Variants in RCOR1 observed in about 807,000 individuals in gnomAD.
RCOR1 encodes the protein REST corepressor 1.
In RCOR1, 12 loss-of-function variants were observed where a neutral mutation model predicts 64.0. The observed-to-expected ratio is 0.19, with a 90% confidence interval of 0.12 to 0.30. The LOEUF is 0.30. Among genes scored for constraint, RCOR1 ranks in the 10% least tolerant of loss-of-function variants. RCOR1 has a pLI of 1.00. For missense variants in RCOR1, 502 were observed against 621.2 expected (o/e 0.81, Z 2.04); for synonymous variants, 279 against 227.2 (o/e 1.23, Z -2.05).
chr14:102,681,865 A>G (rs553857463), intron 2 of RCOR1, 30 bp from the exon 3 acceptor site: 9 of 1,519,934 alleles, frequency 5.9e-6, no homozygotes, highest in African/African-American at 2.8e-5. Context: ...TTAAATTTTA[A>G]TAAGAATTTT....
In RCOR1 at chr14:102,707,324, A is replaced by G. The variant is rs1249637691; in HGVS notation, c.499-27A>G. 4.5e-6 allele frequency: 7 copies of G among 1,551,672 alleles called. No individual in the cohort carries two copies. The South Asian group carries it at 6.1e-5, about 14-fold the overall frequency. On this transcript the variant is annotated intron_variant, in intron 4 of 11. Transcript: ENST00000262241. ...ATTTTCATTGTTTTTTGTTTGATCT[A>G]AAATTTTACTGATATCATTTTTGTA...
rs186355774 is a variant in RCOR1, at chr14:102,726,589, G to C, written c.*83G>C. 4.4e-6 allele frequency: 5 copies of C among 1,138,268 alleles called. No homozygotes were observed. The African/African-American group carries it at 7.9e-5, about 18-fold the overall frequency. 70.5% of individuals were successfully genotyped at this position (1,138,268 alleles called of 1,614,324 possible). A position where few individuals can be genotyped will look rare whatever the true frequency, so the allele number is the denominator to read the frequency against. On this transcript the variant is annotated 3_prime_UTR_variant, in exon 12 of 12. Transcript: ENST00000262241. Reference sequence around the variant, plus strand: ...ATTATGAGACATCACCTAGCCATCTGCATCACATCTCTCTGGACAAGCAGC... The same window carrying C: ...ATTATGAGACATCACCTAGCCATCTCCATCACATCTCTCTGGACAAGCAGC...
chr14:102,718,253 T>G (rs1225347887), intron 8 of RCOR1, among the ~76,000 whole-genome samples: 1 of 152,006 alleles, frequency 6.6e-6, no homozygotes, highest in Non-Finnish European at 1.5e-5. Flanking sequence ...TTTGCAACCC[T>G]CACATCTGCA....
At chr14:102,593,451 A>G (rs1415395425) in intron 2 of RCOR1, 126 bp downstream of exon 2, 2 of 1,027,466 alleles carry the variant, frequency 1.9e-6, no homozygotes, top group Non-Finnish European at 2.6e-6. Flanking sequence ...GTCCGTGGGG[A>G]GAACAGCAGG....
intron 2 of RCOR1, chr14:102,651,170 GACAC>G: frequency 2.0e-6 from 1 of 500,808 alleles, no homozygotes; most frequent in Non-Finnish European, 2.6e-6. Flanking sequence ...AGGAATTAAA[GACAC>G]ACACACACAA....
chr14:102,658,076 G>A (rs1894762177), intron 2 of RCOR1: 1 of 363,594 alleles, frequency 2.8e-6, no homozygotes, highest in African/African-American at 2.2e-5. Flanking sequence ...CCAGGTTCAG[G>A]TGATTCTCCT....
chr14:102,627,484 C>A (rs1389248507), intron 2 of RCOR1, among the ~76,000 whole-genome samples: 2 of 152,088 alleles, frequency 1.3e-5, no homozygotes, highest in Non-Finnish European at 2.9e-5. Context: ...TGGGGAAACC[C>A]CATCTCTACT....
At chr14:102,623,376 T>G (rs1335314374) in intron 2 of RCOR1, among the ~76,000 whole-genome samples, 1 of 133,528 alleles carries the variant, frequency 7.5e-6, no homozygotes, top group Non-Finnish European at 1.6e-5. Flanking sequence ...ATTTACTTCC[T>G]TTATTTATTT....
At chr14:102,661,313 A>C (rs1453999131) in intron 2 of RCOR1, among the ~76,000 whole-genome samples, 1 of 152,164 alleles carries the variant, frequency 6.6e-6, no homozygotes, top group Admixed American at 6.5e-5. Flanking sequence ...GTGCCGCTGC[A>C]CTCCAGCCTG....
intron 2 of RCOR1, among the ~76,000 whole-genome samples, chr14:102,677,022 G>T (rs1453960120): frequency 1.7e-5 from 2 of 119,724 alleles, no homozygotes; most frequent in Admixed American, 7.6e-5. Flanking sequence ...GCGGCCGGCC[G>T]GGCGGGGGGC....
At chr14:102,706,136 A>AAAAAAAAAAAAAAAAAAAC (rs1567442106) in intron 4 of RCOR1, among the ~76,000 whole-genome samples, 2 of 148,980 alleles carry the variant, frequency 1.3e-5, no homozygotes, top group African/African-American at 5.0e-5. Context: ...AAAAAAAAAA[A>AAAAAAAAAAAAAAAAAAAC]AAAAAACCTA....
intron 11 of RCOR1, among the ~76,000 whole-genome samples, chr14:102,724,387 C>G (rs908719154): frequency 4.0e-5 from 6 of 151,886 alleles, no homozygotes; most frequent in Non-Finnish European, 8.8e-5. Context: ...TGCAGTGGCT[C>G]AATCTCGGCT....
intron 2 of RCOR1, among the ~76,000 whole-genome samples, chr14:102,606,934 GT>G (rs11464849): frequency 0.043 from 4,786 of 111,814 alleles, 131 homozygotes; most frequent in African/African-American, 0.12. Context: ...TTTTGTGTTA[GT>G]TTTTTTTTTT....
intron 2 of RCOR1, chr14:102,655,475 C>G: frequency 2.0e-6 from 2 of 980,878 alleles, no homozygotes; most frequent in South Asian, 9.4e-5. Context: ...ACAGTATTTT[C>G]CTATGTTTTT....
intron 3 of RCOR1, among the ~76,000 whole-genome samples, chr14:102,692,105 G>C (rs933765540): frequency 3.3e-5 from 5 of 152,080 alleles, no homozygotes; most frequent in African/African-American, 9.7e-5. Context: ...CATATACCAA[G>C]GAATTTTGCT....
rs1188532225 is a variant in RCOR1, at chr14:102,714,459, G to C, written c.895G>C (p.Glu299Gln). The change falls in exon 8 of 12, where the codon GAA (glutamate) becomes CAA (glutamine). Residue 299 changes from glutamate (E) to glutamine (Q), a missense_variant. Physicochemically the swap from Glu to Gln is conservative, Grantham distance 29 (BLOSUM62 2). Around this residue, in one of 2 missense-constraint regions of RCOR1, gnomAD observed 260 missense variants for 416.4 expected, o/e 0.62. Coordinates refer to ENST00000262241, the MANE Select transcript of RCOR1 (RefSeq NM_015156.4). Reference sequence around the variant, plus strand: ...TGAGACAGTTCCTCAGGTCAAAAAAGAAAAACATAGCACACAAGCTAAAAA... The same window carrying C: ...TGAGACAGTTCCTCAGGTCAAAAAACAAAAACATAGCACACAAGCTAAAAA... ...PTETVPQVKK[E>Q]KHSTQAKNRA... is the part of the protein sequence containing the mutation. The C allele has an allele frequency of 3.1e-6, 5 of 1,612,272 alleles. No homozygotes were observed. Among genetic ancestry groups the C allele is most frequent in the Non-Finnish European group, 4.2e-6 (5 of 1,178,986 alleles).
chr14:102,691,470 A>G (rs1895532354), intron 3 of RCOR1, among the ~76,000 whole-genome samples: 1 of 151,746 alleles, frequency 6.6e-6, no homozygotes, highest in Non-Finnish European at 1.5e-5. Context: ...GGAAAAAAAC[A>G]AAACAAAACA....
intron 2 of RCOR1, chr14:102,630,051 G>A: frequency 1.1e-5 from 10 of 939,268 alleles, no homozygotes; most frequent in Non-Finnish European, 1.3e-5. Context: ...TAGTTTGGAT[G>A]TGGTTTGTCC....
chr14:102,634,137 C>T (rs1894184085), intron 2 of RCOR1, among the ~76,000 whole-genome samples: 1 of 151,952 alleles, frequency 6.6e-6, no homozygotes, highest in Non-Finnish European at 1.5e-5. Flanking sequence ...TCTGTCTTGC[C>T]CAGGGTTGAG....
Sources: gnomAD v4.1 joint callset for allele counts (sites outside exome capture counted in the v4.1 genomes callset) on GRCh38, gnomAD v4.1.1 for gene constraint, gnomAD v4.1.1 regional missense constraint, MANE v1.5 for transcripts, NCBI Gene and HGNC (gene_info 2026-07-23, HGNC 2026-07-21) for gene names.